Variants in CD63 observed in about 807,000 individuals in gnomAD.
CD63 encodes the protein CD63 antigen.
CD63 carries 16 observed loss-of-function variants against 29.2 expected under a neutral mutation model. That is an observed-to-expected ratio of 0.55 (90% CI 0.37 to 0.83). The LOEUF (loss-of-function observed/expected upper bound fraction) is 0.83. Among genes scored for constraint, CD63 ranks in the 40% least tolerant of loss-of-function variants. CD63 has a pLI of 0.00. For synonymous variants in CD63, 118 were observed against 111.7 expected (o/e 1.06, Z -0.36); for missense variants, 251 against 297.3 (o/e 0.84, Z 1.15).
At chr12:55,729,582 G>A (rs1434027359), upstream of CD63, 1 of 152,246 alleles carries the variant, frequency 6.6e-6, no homozygotes, top group Non-Finnish European at 1.5e-5. Context: ...TCACATCCTG[G>A]GTGTCTCCCA....
In CD63 at chr12:55,727,251, A is replaced by AG; in HGVS notation, c.154dup (p.Leu52ProfsTer57). ...CACTGCGATGATGACCACTGGCAAC[A>AG]GAGAGCCAGGGGTAGCCCCCTGGAT... On this transcript the variant is annotated frameshift_variant, in exon 3 of 8. Transcript: ENST00000257857. LOFTEE classifies it high-confidence loss of function. The AG allele has an allele frequency of 6.2e-7, 1 of 1,613,920 alleles. No individual in the cohort carries two copies. Among genetic ancestry groups the AG allele is most frequent in the Non-Finnish European group, 8.5e-7 (1 of 1,179,986 alleles).
intron 2 of CD63, chr12:55,727,880 G>A (rs1453206338): frequency 1.8e-6 from 2 of 1,082,090 alleles, no homozygotes; most frequent in South Asian, 3.1e-5. Context: ...GCGCTGGGAG[G>A]AGGGAAAGGG....
rs1446297307 is a variant in CD63, at chr12:55,728,416, CCCGG to C, written c.-11-68_-11-65del. 52 of 1,552,568 alleles carry C rather than the reference CCCGG, an allele frequency of 3.3e-5. No homozygotes were observed. Among genetic ancestry groups the C allele is most frequent in the Non-Finnish European group, 4.1e-5 (47 of 1,149,064 alleles). ...GAAGGGGGACCTCGGTTTCCGGGCT[CCCGG>C]CCGGCCCTCGAGGGCTTCCCTTCAC... is the stretch of plus-strand genomic sequence containing the variant. On this transcript the variant is annotated intron_variant, in intron 1 of 7. Transcript: ENST00000257857. The surrounding 1 kb of genome is among the most constrained non-coding windows in gnomAD (Gnocchi z 4.8).
Position 55,726,202 on chromosome 12 carries a change from C to T in CD63, c.486G>A (p.Lys162=), listed in dbSNP as rs483352715. 1 of 1,614,014 alleles carries T rather than the reference C, an allele frequency of 6.2e-7. No individual in the cohort carries two copies. The highest frequency in any genetic ancestry group is 8.5e-7 in the Non-Finnish European group (1 of 1,179,990). ...TDWEKIPSMS[K]NRVPDSCCIN... is the part of the protein sequence containing the mutation. The stretch of plus-strand genomic sequence containing the variant: ...TGCAGCAGGAGTCGGGGACTCGGTT[C>T]TTCGACATGGAAGGGATTTTCTCCC... The change falls in exon 6 of 8, where the codon AAG becomes AAA. Residue 162 remains lysine (K), a synonymous_variant. Coordinates refer to ENST00000257857, the MANE Select transcript of CD63 (RefSeq NM_001780.6).
At chr12:55,727,032 C>G in intron 3 of CD63, 68 bp from the exon 4 acceptor site, 2 of 1,574,894 alleles carry the variant, frequency 1.3e-6, no homozygotes, top group Non-Finnish European at 1.7e-6. Flanking sequence ...TTGGCACAGC[C>G]GGTCCCTGGA....
chr12:55,728,767 A>G lies in CD63; in HGVS notation c.-12+186T>C. The G allele has an allele frequency of 3.0e-6, 3 of 992,412 alleles. No individual in the cohort carries two copies. The highest frequency in any genetic ancestry group is 3.6e-6 in the Non-Finnish European group (3 of 834,004). The allele number at this position is 992,412 out of a possible 1,614,324, so 61.5% of individuals were successfully genotyped here. On this transcript the variant is annotated intron_variant, in intron 1 of 7. Transcript: ENST00000257857. The surrounding 1 kb of genome is among the most constrained non-coding windows in gnomAD (Gnocchi z 4.8). ...TGACCTCCCCGCCCACCAAAAAAAA[A>G]AAAAGTGCAGCCAGCACCCCCGCCA...
At position 55,725,477 on chromosome 12, in the gene CD63, T is replaced by G. The variant is rs1877196948; in HGVS notation, c.*84A>C. The stretch of plus-strand genomic sequence containing the variant: ...ACAAACTCAGACCATCTCTTTTCGG[T>G]CTGAAAAAATAATCCGTTTAATTGA... On this transcript the variant is annotated 3_prime_UTR_variant, in exon 8 of 8. Transcript: ENST00000257857. 6.4e-6 allele frequency: 7 copies of G among 1,097,146 alleles called. No homozygotes were observed. The South Asian group carries it at 8.7e-5, about 14-fold the overall frequency. 68.0% of individuals were successfully genotyped at this position (1,097,146 alleles called of 1,614,324 possible).
intron 5 of CD63, 97 bp downstream of exon 5, chr12:55,726,603 C>CA: frequency 9.9e-7 from 1 of 1,008,198 alleles, no homozygotes. Flanking sequence ...CCTCGGCCTT[C>CA]AAAAGTGCTG....
At chr12:55,726,635 A>G in intron 5 of CD63, 65 bp downstream of exon 5, 1 of 1,307,752 alleles carries the variant, frequency 7.6e-7, no homozygotes. Flanking sequence ...GTGAGTCACC[A>G]CACCCAGCCT....
chr12:55,727,034 G>A, intron 3 of CD63, 70 bp from the exon 4 acceptor site: 1 of 1,572,468 alleles, frequency 6.4e-7, no homozygotes, highest in South Asian at 1.1e-5. Context: ...GGCACAGCCG[G>A]TCCCTGGACA....
upstream of CD63, chr12:55,729,454 A>C (rs1283100856): frequency 6.6e-6 from 1 of 152,510 alleles, no homozygotes; most frequent in Non-Finnish European, 1.5e-5. Flanking sequence ...GGGATGAGCC[A>C]GCTCTCTCCT....
Position 55,726,869 on chromosome 12 carries a change from T to C in CD63, c.330+21A>G, listed in dbSNP as rs766288286. On this transcript the variant is annotated intron_variant, in intron 4 of 7. Coordinates refer to ENST00000257857, the MANE Select transcript of CD63 (RefSeq NM_001780.6). ...TCCCAGACCCGGCTGAGGCAGGCCC[T>C]TCCCATTATTCCCTGCTTACCTTAT... 8.7e-6 allele frequency: 14 copies of C among 1,612,516 alleles called. No homozygotes were observed. In the South Asian group the frequency reaches 1.5e-4, roughly 18 times the overall value.
chr12:55,729,706 A>T (rs759334843), upstream of CD63: 1 of 152,174 alleles, frequency 6.6e-6, no homozygotes, highest in Non-Finnish European at 1.5e-5. Flanking sequence ...CCCCGAAGCC[A>T]CGCTACCCAG....
rs1168012000 is a variant in CD63, at chr12:55,727,152, G to A, written c.254C>T (p.Thr85Met). Residue 85 changes from threonine (T) to methionine (M), a missense_variant and splice_region_variant, in exon 3 of 8, where the codon ACG becomes ATG. By Grantham distance (81) the Thr-to-Met change is moderately conservative (BLOSUM62 -1). Transcript: ENST00000257857. Reference sequence around the variant, plus strand: ...ATGTTGGTCCCGCCCCCAACTCACCGTGATCATAAGACAATAGTTCTCCTT... The same window carrying A: ...ATGTTGGTCCCGCCCCCAACTCACCATGATCATAAGACAATAGTTCTCCTT... ...ACKENYCLMI[T>M]FAIFLSLIML... 6.2e-7 allele frequency: 1 copy of A among 1,609,122 alleles called. No individual in the cohort carries two copies. The highest frequency in any genetic ancestry group is 8.5e-7 in the Non-Finnish European group (1 of 1,177,174).
At chr12:55,727,706 G>C (rs1041579507) in intron 2 of CD63, 26 of 1,050,932 alleles carry the variant, frequency 2.5e-5, no homozygotes, top group Admixed American at 5.0e-5. Flanking sequence ...TCCCACGCGC[G>C]CATCAGCTGT....
At chr12:55,724,120 C>G (rs1877078539), downstream of CD63, 6 of 1,557,470 alleles carry the variant, frequency 3.9e-6, no homozygotes, top group Non-Finnish European at 5.2e-6. Context: ...CTGCATAAGC[C>G]TGCTAGGAGG....
Position 55,728,123 on chromosome 12 carries a change from T to C in CD63, c.66+153A>G, listed in dbSNP as rs1416884714. Among the ~76,000 whole-genome samples the C allele has an allele frequency of 6.6e-6, 1 of 151,856 alleles. No homozygotes were observed. Among genetic ancestry groups the C allele is most frequent in the Non-Finnish European group, 1.5e-5 (1 of 67,932 alleles). On this transcript the variant is annotated intron_variant, in intron 2 of 7. Coordinates refer to ENST00000257857, the MANE Select transcript of CD63 (RefSeq NM_001780.6). This position sits in a 1 kb window ranked among gnomAD's most constrained non-coding sequence, Gnocchi z 4.8. The stretch of plus-strand genomic sequence containing the variant: ...ACAAGCCTCAGGTGTCCAGGAAAAC[T>C]GGAGGAGGGAGTGGCTGCGCTGTCT...
In CD63 at chr12:55,728,472, C is replaced by A; in HGVS notation, c.-11-120G>T. ...GCCCCGATTCCCGGCCCCTCCCACC[C>A]GGAAACCCGCGGTCGGATCCACGTC... On this transcript the variant is annotated intron_variant, in intron 1 of 7. Coordinates refer to ENST00000257857, the MANE Select transcript of CD63 (RefSeq NM_001780.6). This position sits in a 1 kb window ranked among gnomAD's most constrained non-coding sequence, Gnocchi z 4.8. The A allele has an allele frequency of 1.3e-6, 2 of 1,495,020 alleles. No homozygotes were observed. The highest frequency in any genetic ancestry group is 1.8e-6 in the Non-Finnish European group (2 of 1,122,780). The allele number at this position is 1,495,020 out of a possible 1,614,324, so 92.6% of individuals were successfully genotyped here.
chr12:55,724,287 A>G, downstream of CD63: 10 of 1,609,400 alleles, frequency 6.2e-6, no homozygotes, highest in South Asian at 1.1e-4. Flanking sequence ...GGAGTGAGGA[A>G]GGGAAACTGA....
Sources: allele counts gnomAD v4.1 joint callset (sites outside exome capture counted in the v4.1 genomes callset), GRCh38; gene constraint gnomAD v4.1.1; non-coding constraint Gnocchi (gnomAD v3.1); transcripts MANE v1.5; gene names NCBI Gene and HGNC (gene_info 2026-07-23, HGNC 2026-07-21).